The following HESX1 variants were observed in gnomAD, a reference collection of about 807,000 sequenced individuals.
HESX1 encodes the protein homeobox expressed in ES cells 1.
A neutral mutation model predicts 22.5 loss-of-function variants in HESX1; 11 were observed. That is an observed-to-expected ratio of 0.49 (90% confidence interval 0.31 to 0.81). The LOEUF is 0.81. Ranked by LOEUF, HESX1 falls within the 30% of genes least tolerant of loss-of-function variation. The pLI is 0.05. For missense variants in HESX1, 201 were observed against 212.6 expected (o/e 0.95, Z 0.34); for synonymous variants, 74 against 76.5 (o/e 0.97, Z 0.17).
At chr3:57,220,592 A>G (rs114868650) in intron 1 of HESX1, among the ~76,000 whole-genome samples, 2,316 of 151,924 alleles carry the variant, frequency 0.015, 51 homozygotes, top group African/African-American at 0.053. Flanking sequence ...ACCACTGCCC[A>G]TCTAATTTTT....
chr3:57,225,460 C>T (rs1464865764), intron 1 of HESX1, among the ~76,000 whole-genome samples: 1 of 152,152 alleles, frequency 6.6e-6, no homozygotes, highest in Non-Finnish European at 1.5e-5. Context: ...TCTCCTGCCT[C>T]AGCTTCCCAA....
chr3:57,224,450 A>T (rs1043063052), intron 1 of HESX1, among the ~76,000 whole-genome samples: 13 of 152,104 alleles, frequency 8.5e-5, no homozygotes, highest in African/African-American at 2.4e-4. Context: ...CTCTTTAAAA[A>T]TTTTTTTTAA....
At position 57,198,208 on chromosome 3, in the gene HESX1, G is replaced by C. The variant is rs755158451; in HGVS notation, c.547C>G (p.Leu183Val). 1.3e-6 allele frequency: 2 copies of C among 1,598,446 alleles called. No individual in the cohort carries two copies. Among genetic ancestry groups the C allele is most frequent in the Non-Finnish European group, 1.7e-6 (2 of 1,166,286 alleles). The change falls in exon 4 of 4, where the codon CTG (leucine) becomes GTG (valine). Residue 183 changes from leucine to valine, a missense_variant. Transcript: ENST00000295934. ...GTTTAGTTTTCTATCTATTCCAGCA[G>C]ATTTGTGTTGAAATTTTTTTTCGCC... is the stretch of plus-strand genomic sequence containing the variant. ...LMAKKNFNTN[L>V]LE
At chr3:57,202,086 T>A (rs1042868647), upstream of HESX1, among the ~76,000 whole-genome samples, 2 of 150,764 alleles carry the variant, frequency 1.3e-5, no homozygotes, top group African/African-American at 4.9e-5. Flanking sequence ...GCCTGGCTAA[T>A]TTTTTTGTAT....
chr3:57,204,245 T>A (rs2060507327), upstream of HESX1, among the ~76,000 whole-genome samples: 1 of 152,202 alleles, frequency 6.6e-6, no homozygotes, highest in South Asian at 2.1e-4. Flanking sequence ...TCTTGAACTC[T>A]GGAGCTCAAG....
intron 1 of HESX1, among the ~76,000 whole-genome samples, chr3:57,211,568 C>T (rs1251162255): frequency 7.2e-6 from 1 of 138,000 alleles, no homozygotes; most frequent in African/African-American, 2.7e-5. Flanking sequence ...CATGGTGGCT[C>T]ACGCCTGTAA....
At chr3:57,225,141 A>G (rs2060634964) in intron 1 of HESX1, among the ~76,000 whole-genome samples, 1 of 152,236 alleles carries the variant, frequency 6.6e-6, no homozygotes, top group African/African-American at 2.4e-5. Flanking sequence ...AAAAAGGACT[A>G]TGAATTTTGC....
At chr3:57,203,297 AGCG>A (rs1298789951), upstream of HESX1, among the ~76,000 whole-genome samples, 3 of 152,162 alleles carry the variant, frequency 2.0e-5, no homozygotes, top group African/African-American at 7.2e-5. Flanking sequence ...ACAATTGTTT[AGCG>A]GCAAAAGATG....
At chr3:57,219,557 C>T (rs150165704) in intron 1 of HESX1, among the ~76,000 whole-genome samples, 3,637 of 152,092 alleles carry the variant, frequency 0.024, 68 homozygotes, top group South Asian at 0.04. Context: ...TTAGTAGAGA[C>T]GGGGTTTCAC....
intron 2 of HESX1, 58 bp downstream of exon 2, chr3:57,198,695 C>A: frequency 6.7e-7 from 1 of 1,503,746 alleles, no homozygotes; most frequent in South Asian, 1.1e-5. Flanking sequence ...GGCTTTTGCT[C>A]AACTTGGTGT....
chr3:57,224,853 G>A (rs184817797), intron 1 of HESX1, among the ~76,000 whole-genome samples: 354 of 152,250 alleles, frequency 2.3e-3, no homozygotes, highest in Non-Finnish European at 4.0e-3. Context: ...AAGACTGTAC[G>A]TCCTTTTGTT....
rs184573563 is a variant in HESX1, at chr3:57,197,883, T to C, written c.*314A>G. The C allele has an allele frequency of 1.0e-5, 2 of 196,382 alleles. No homozygotes were observed. The highest frequency in any genetic ancestry group is 2.1e-5 in the Non-Finnish European group (2 of 96,814). 12.2% of individuals were successfully genotyped at this position (196,382 alleles called of 1,614,324 possible). On this transcript the variant is annotated 3_prime_UTR_variant, in exon 4 of 4. Coordinates refer to ENST00000295934, the MANE Select transcript of HESX1 (RefSeq NM_003865.3). ...TACTTGAAATACTTTATAATTAGAA[T>C]CCAGCTTGTGGAATCACTTAGTCAT...
chr3:57,219,383 T>A (rs1246861911), intron 1 of HESX1, among the ~76,000 whole-genome samples: 1 of 152,180 alleles, frequency 6.6e-6, no homozygotes, highest in African/African-American at 2.4e-5. Context: ...TTCTTTTTTT[T>A]TTGAGACGGA....
Position 57,208,359 on chromosome 3 carries a change from A to T in HESX1, c.-110-8331T>A, listed in dbSNP as rs575050427. On this transcript the variant is annotated intron_variant, in intron 1 of 2. Coordinates refer to the HESX1 transcript ENST00000495160. ...TTGACGTCTACAACTTGATTGATTGATTGATTGATTGAGATGGAGTCTCGC... is the reference window on the plus strand; with the variant it reads ...TTGACGTCTACAACTTGATTGATTGTTTGATTGATTGAGATGGAGTCTCGC... Among the ~76,000 whole-genome samples, 56 of 151,936 alleles carry T rather than the reference A, an allele frequency of 3.7e-4. No individual in the cohort carries two copies. The Middle Eastern group carries it at 0.01, about 28-fold the overall frequency.
At chr3:57,217,324 A>G (rs1177571690) in intron 1 of HESX1, among the ~76,000 whole-genome samples, 1 of 152,204 alleles carries the variant, frequency 6.6e-6, no homozygotes, top group Admixed American at 6.5e-5. Context: ...GTGAGTTCAC[A>G]TGGATACTTT....
upstream of HESX1, among the ~76,000 whole-genome samples, chr3:57,201,694 C>A (rs2060487382): frequency 6.6e-6 from 1 of 151,036 alleles, no homozygotes; most frequent in African/African-American, 2.4e-5. Flanking sequence ...TCAGTGTAGG[C>A]CTCACTGAGC....
upstream of HESX1, among the ~76,000 whole-genome samples, chr3:57,202,303 T>C (rs560514881): frequency 1.1e-4 from 17 of 152,102 alleles, no homozygotes; most frequent in African/African-American, 3.6e-4. Context: ...AGGGAAGCAT[T>C]TTCTCATATA....
intron 1 of HESX1, among the ~76,000 whole-genome samples, chr3:57,209,828 G>T (rs1350960484): frequency 1.9e-4 from 29 of 152,072 alleles, no homozygotes; most frequent in Admixed American, 1.9e-3. Flanking sequence ...ATGTTATAAT[G>T]AATACAAACA....
chr3:57,198,935 A>C lies in HESX1; in HGVS notation c.175T>G (p.Cys59Gly). ...CTGGGAGGATTTGGGACATGTAGAC[A>C]TAAGTTACCATCTTTCCCTAAAAAC... ...CSSSGKDGNL[C>G]LHVPNPPSGI... Residue 59 changes from cysteine (C) to glycine (G), a missense_variant, in exon 2 of 4, where the codon TGT (cysteine) becomes GGT (glycine). Coordinates refer to ENST00000295934, the MANE Select transcript of HESX1 (RefSeq NM_003865.3). 1 of 1,614,142 alleles carries C rather than the reference A, an allele frequency of 6.2e-7. No individual in the cohort carries two copies. Among genetic ancestry groups the C allele is most frequent in the Non-Finnish European group, 8.5e-7 (1 of 1,179,994 alleles).
Sources: gnomAD v4.1 joint callset for allele counts (sites outside exome capture counted in the v4.1 genomes callset) on GRCh38, gnomAD v4.1.1 for gene constraint, MANE v1.5 for transcripts, NCBI Gene and HGNC (gene_info 2026-07-23, HGNC 2026-07-21) for gene names.